TRAPPC12: variants seen among roughly 807,000 people sequenced by gnomAD.
The protein encoded by TRAPPC12 is TPR repeat protein 15.
Under a neutral mutation model 69.2 loss-of-function variants are expected in TRAPPC12, and 61 were observed. That is an observed-to-expected ratio of 0.88 (90% CI 0.72 to 1.09). TRAPPC12 has a LOEUF of 1.09. Among genes scored for constraint, TRAPPC12 ranks in the 50% least tolerant of loss-of-function variants. The pLI is 0.00. For synonymous variants in TRAPPC12, 469 were observed against 438.9 expected (o/e 1.07, Z -0.86); for missense variants, 1,101 against 1,016.4 (o/e 1.08, Z -1.13).
chr2:3,390,579 TA>T (rs1660766550), intron 2 of TRAPPC12, among the ~76,000 whole-genome samples: 1 of 152,150 alleles, frequency 6.6e-6, no homozygotes, highest in Non-Finnish European at 1.5e-5. Context: ...TGCCAGGGGT[TA>T]GGGGGAGGAA....
intron 3 of TRAPPC12, among the ~76,000 whole-genome samples, chr2:3,412,599 G>T (rs1558360935): frequency 6.6e-6 from 1 of 152,174 alleles, no homozygotes; most frequent in African/African-American, 2.4e-5. Context: ...AGGTTGGTTT[G>T]AGGGTGCTCA....
chr2:3,446,277 G>A (rs987764229), intron 6 of TRAPPC12, among the ~76,000 whole-genome samples: 2 of 152,196 alleles, frequency 1.3e-5, no homozygotes, highest in Admixed American at 6.5e-5. Flanking sequence ...ATCGCAATTC[G>A]TTCTAATCCT....
intron 3 of TRAPPC12, among the ~76,000 whole-genome samples, chr2:3,413,585 T>C (rs544338397): frequency 5.3e-4 from 80 of 152,312 alleles, no homozygotes; most frequent in African/African-American, 1.9e-3. Context: ...AAGAACATAT[T>C]TGAGGATATA....
At chr2:3,436,354 T>TA (rs1177331298) in intron 5 of TRAPPC12, among the ~76,000 whole-genome samples, 1 of 152,154 alleles carries the variant, frequency 6.6e-6, no homozygotes, top group Non-Finnish European at 1.5e-5. Context: ...CCATGCTCAT[T>TA]AAAAACTCCA....
chr2:3,381,197 A>T (rs1660191021), intron 1 of TRAPPC12, among the ~76,000 whole-genome samples: 1 of 152,206 alleles, frequency 6.6e-6, no homozygotes, highest in African/African-American at 2.4e-5. Context: ...AAAATGCTTG[A>T]TCTGTAGTGA....
intron 9 of TRAPPC12, among the ~76,000 whole-genome samples, chr2:3,470,516 C>A (rs1291102019): frequency 6.6e-6 from 1 of 152,234 alleles, no homozygotes; most frequent in Non-Finnish European, 1.5e-5. Flanking sequence ...GGACAACAGA[C>A]CAATCCTGCC....
rs34956958 is a variant in TRAPPC12 at position 3,383,871 on chromosome 2, G to GTTTTTTT, written c.-4-3714_-4-3708dup. On this transcript the variant is annotated intron_variant, in intron 1 of 11. Transcript: ENST00000324266. ...TATTCCCTTGTGATAGTTCAGTCTT[G>GTTTTTTT]TTTTTTTTTTTTTTTTTTTTTTTTT... Among the ~76,000 whole-genome samples, 186 of 85,562 alleles carry GTTTTTTT rather than the reference G, an allele frequency of 2.2e-3. 17 individuals carry two copies. Among genetic ancestry groups the GTTTTTTT allele is most frequent in the Middle Eastern group, 7.4e-3 (1 of 136 alleles). 56.1% of individuals were successfully genotyped at this position (85,562 alleles called of 152,430 possible).
intron 1 of TRAPPC12, among the ~76,000 whole-genome samples, chr2:3,384,943 C>T (rs149521546): frequency 1.3e-5 from 2 of 152,206 alleles, no homozygotes; most frequent in East Asian, 1.9e-4. Context: ...AGAACTATCT[C>T]GTCATATATA....
chr2:3,432,622 A>C (rs544083560), intron 5 of TRAPPC12, among the ~76,000 whole-genome samples: 9 of 152,264 alleles, frequency 5.9e-5, no homozygotes, highest in African/African-American at 2.2e-4. Flanking sequence ...AGAACTCCCG[A>C]GCGTTGATGG....
chr2:3,463,485 G>A lies in TRAPPC12; in HGVS notation c.1678-2112G>A, dbSNP rs192835215. Reference sequence around the variant, plus strand: ...TCACACGGCTCCCAGGCCTGTGCACGTGCTCTTTGGGAAGAGCCATGCCTA... The same window carrying A: ...TCACACGGCTCCCAGGCCTGTGCACATGCTCTTTGGGAAGAGCCATGCCTA... On this transcript the variant is annotated intron_variant, in intron 8 of 11. Coordinates refer to ENST00000324266, the MANE Select transcript of TRAPPC12 (RefSeq NM_016030.6). 3.5e-3 allele frequency among the ~76,000 whole-genome samples: 527 copies of A among 150,804 alleles called. 3 individuals carry two copies. The highest frequency in any genetic ancestry group is 5.1e-3 in the Non-Finnish European group (343 of 67,864).
intron 3 of TRAPPC12, 136 bp downstream of exon 3, chr2:3,402,029 A>T: frequency 4.8e-6 from 3 of 625,784 alleles, no homozygotes; most frequent in Non-Finnish European, 8.3e-6. Context: ...GTTGGAGTAG[A>T]TGCCAGTCCT....
chr2:3,423,044 G>A (rs576537613), intron 4 of TRAPPC12, among the ~76,000 whole-genome samples: 29 of 152,316 alleles, frequency 1.9e-4, no homozygotes, highest in Non-Finnish European at 3.5e-4. Flanking sequence ...CTTCTGGGCC[G>A]TAGTGCACTT....
chr2:3,439,126 G>T (rs60021413), intron 5 of TRAPPC12, among the ~76,000 whole-genome samples: 20,231 of 151,976 alleles, frequency 0.13, 1,479 homozygotes, highest in Middle Eastern at 0.3. Flanking sequence ...GTCATTTTTT[G>T]GATTTTTCGC....
chr2:3,390,264 A>C (rs1313605014), intron 2 of TRAPPC12, among the ~76,000 whole-genome samples: 1 of 152,186 alleles, frequency 6.6e-6, no homozygotes, highest in Non-Finnish European at 1.5e-5. Flanking sequence ...TGTTTGTTGA[A>C]GTGTGGGAAA....
chr2:3,427,907 A>C (rs922118757), intron 5 of TRAPPC12, among the ~76,000 whole-genome samples: 1 of 149,246 alleles, frequency 6.7e-6, no homozygotes, highest in Admixed American at 6.7e-5. Flanking sequence ...AAAAAAAAAA[A>C]CTCCAGCTCC....
rs770832421 is a variant in TRAPPC12 at position 3,388,628 on chromosome 2, G to GA, written c.1005_1006insA (p.Glu336ArgfsTer19). 2 of 1,591,004 alleles carry GA rather than the reference G, an allele frequency of 1.3e-6. No individual in the cohort carries two copies. The highest frequency in any genetic ancestry group is 1.7e-6 in the Non-Finnish European group (2 of 1,167,086). ...AGCGCGGCGCCGTGTTCGTGGACAA[G>GA]GAGAACCTCACCATGCCGGGCCTCA... On this transcript the variant is annotated frameshift_variant, in exon 2 of 12. Coordinates refer to ENST00000324266, the MANE Select transcript of TRAPPC12 (RefSeq NM_016030.6). LOFTEE classifies it high-confidence loss of function.
chr2:3,388,675 GC>G lies in TRAPPC12; in HGVS notation c.1047+8del. On this transcript the variant is annotated splice_donor_region_variant and intron_variant, in intron 2 of 11. Transcript: ENST00000324266. ...CTCAGGTTCGACAACATCCAGGTGA[GC>G]CCGGGTCTCCCACCTCCGCAGCCCG... 6.5e-7 allele frequency: 1 copy of G among 1,536,116 alleles called. No homozygotes were observed.
At chr2:3,444,250 G>T (rs1664388454) in intron 6 of TRAPPC12, among the ~76,000 whole-genome samples, 1 of 152,270 alleles carries the variant, frequency 6.6e-6, no homozygotes, top group Non-Finnish European at 1.5e-5. Flanking sequence ...CCTGCCACGT[G>T]CAGACAGAGG....
chr2:3,389,385 G>A (rs1339710452), intron 2 of TRAPPC12, among the ~76,000 whole-genome samples: 1 of 152,242 alleles, frequency 6.6e-6, no homozygotes, highest in Non-Finnish European at 1.5e-5. Flanking sequence ...GGGGTCCGGG[G>A]GCTGCTCCAA....
Sources: gnomAD v4.1 joint callset for allele counts (sites outside exome capture counted in the v4.1 genomes callset) on GRCh38, gnomAD v4.1.1 for gene constraint, MANE v1.5 for transcripts, NCBI Gene and HGNC (gene_info 2026-07-23, HGNC 2026-07-21) for gene names.